HECTD4: variants seen among roughly 807,000 people sequenced by gnomAD.
The protein encoded by HECTD4 is HECT domain E3 ubiquitin protein ligase 4.
HECTD4 carries 114 observed loss-of-function variants against 471.5 expected under a neutral mutation model. The observed-to-expected ratio is 0.24, with a 90% CI of 0.21 to 0.28. The LOEUF (loss-of-function observed/expected upper bound fraction) is 0.28. HECTD4 is among the 10% of genes least tolerant of loss of function. The probability of loss-of-function intolerance (pLI) is 1.00; values close to 1 mark genes in which losing one functional copy is unlikely to be tolerated. For synonymous variants in HECTD4, 2,012 were observed against 2,256.0 expected, an observed-to-expected ratio of 0.89 and a Z score of 3.07; for missense variants, 3,866 against 5,651.5, an observed-to-expected ratio of 0.68 and a Z score of 10.13.
chr12:112,274,993 C>A (rs547678580), intron 9 of HECTD4, 33 bp from the exon 10 acceptor site: 4 of 1,220,332 alleles, frequency 3.3e-6, no homozygotes, highest in Non-Finnish European at 4.6e-6. Flanking sequence ...GTTTAATGAG[C>A]CTGAAGATTA....
At position 112,162,426 on chromosome 12, in the gene HECTD4, A is replaced by G. The variant is rs948647628; in HGVS notation, c.13218T>C (p.Arg4406=). ...GGTCTTCACGGTAGTGAATGGCACA[A>G]CGAAGTTTCTCCAGCATGATTTCCA... The part of the protein sequence containing the change: ...SSLEIMLEKL[R]CAIHYREDPL... Residue 4406 remains arginine (R), a synonymous_variant, in exon 76 of 76, where the codon CGT becomes CGC. Transcript: ENST00000682272. This position sits in a 1 kb window ranked among gnomAD's most constrained non-coding sequence, Gnocchi z 5.2. 1.9e-6 allele frequency: 3 copies of G among 1,613,954 alleles called. No individual in the cohort carries two copies. The highest frequency in any genetic ancestry group is 2.7e-5 in the African/African-American group (2 of 74,952).
chr12:112,303,667 T>C (rs1260191307), intron 7 of HECTD4, among the ~76,000 whole-genome samples: 4 of 151,876 alleles, frequency 2.6e-5, no homozygotes, highest in Admixed American at 6.6e-5. Context: ...CCAAGCAACA[T>C]GGTGAAACCC....
Position 112,213,683 on chromosome 12 carries a change from C to T in HECTD4, c.7466-1033G>A, listed in dbSNP as rs1490545361. Among the ~76,000 whole-genome samples the T allele has an allele frequency of 7.0e-6, 1 of 142,562 alleles. No individual in the cohort carries two copies. The highest frequency in any genetic ancestry group is 1.5e-5 in the Non-Finnish European group (1 of 66,760). 93.5% of individuals were successfully genotyped at this position (142,562 alleles called of 152,430 possible). On this transcript the variant is annotated intron_variant, in intron 48 of 75. Transcript: ENST00000682272. The surrounding 1 kb of genome is among the most constrained non-coding windows in gnomAD (Gnocchi z 4.0). ...CCTGGGCGACAGAGCAAGACTCCGT[C>T]TCAAAAAAATATATACATATATATA... is the stretch of plus-strand genomic sequence containing the variant.
chr12:112,204,192 G>A (rs778264284), intron 53 of HECTD4, among the ~76,000 whole-genome samples: 14 of 152,174 alleles, frequency 9.2e-5, no homozygotes, highest in Non-Finnish European at 8.8e-5. Context: ...ACAGGCGTGC[G>A]CCACCAGGCC....
At chr12:112,288,478 C>T (rs921135251) in intron 7 of HECTD4, among the ~76,000 whole-genome samples, 1 of 151,832 alleles carries the variant, frequency 6.6e-6, no homozygotes, top group Admixed American at 6.6e-5. Flanking sequence ...AAAAATTAGC[C>T]AGGCATGGTG....
chr12:112,171,830 A>G (rs1566059516), intron 67 of HECTD4, among the ~76,000 whole-genome samples: 1 of 152,234 alleles, frequency 6.6e-6, no homozygotes, highest in Admixed American at 6.5e-5. Flanking sequence ...CCCTGGGACG[A>G]GTGTAATGAA....
chr12:112,375,493 GC>G (rs2036759489), intron 1 of HECTD4, among the ~76,000 whole-genome samples: 1 of 152,132 alleles, frequency 6.6e-6, no homozygotes, highest in African/African-American at 2.4e-5. Flanking sequence ...AAATATCTTA[GC>G]CACCTTGGGT....
In HECTD4 at chr12:112,200,480, C is replaced by T. The variant is rs568851206; in HGVS notation, c.8567+158G>A. 2.0e-5 allele frequency among the ~76,000 whole-genome samples: 3 copies of T among 152,252 alleles called. No individual in the cohort carries two copies. In the South Asian group the frequency reaches 6.2e-4, roughly 32 times the overall value. On this transcript the variant is annotated intron_variant, in intron 55 of 75. Transcript: ENST00000682272. The stretch of plus-strand genomic sequence containing the variant: ...CTAGATCCCCCGACTTTTCTTCACA[C>T]CTCCTGCAATTTTGCTGTTATCTTT...
In HECTD4 at chr12:112,184,452, C is replaced by A. The variant is rs559886195; in HGVS notation, c.10514G>T (p.Ser3505Ile). The A allele has an allele frequency of 6.8e-6, 11 of 1,605,904 alleles. No individual in the cohort carries two copies. The East Asian group carries it at 2.0e-4, about 29-fold the overall frequency. Residue 3505 changes from serine to isoleucine, a missense_variant, in exon 61 of 76, where the codon AGC becomes ATC. By Grantham distance (142) the Ser-to-Ile change is moderately radical. Coordinates refer to ENST00000682272, the MANE Select transcript of HECTD4 (RefSeq NM_001388303.1). This position sits in a 1 kb window ranked among gnomAD's most constrained non-coding sequence, Gnocchi z 9.1. The stretch of plus-strand genomic sequence containing the variant: ...AGGCAGCGGATCCACAGAGAGGTCG[C>A]TGACGGTTTGGGAGATGCCCTGCGA... Reference protein sequence around the residue: ...CSSQGISQTVSDLSVDPLPAG... With the variant: ...CSSQGISQTVIDLSVDPLPAG...
chr12:112,247,215 C>T, intron 28 of HECTD4, 139 bp from the exon 29 acceptor site: 3 of 712,212 alleles, frequency 4.2e-6, no homozygotes, highest in Non-Finnish European at 6.9e-6. Context: ...GCTTACTTCC[C>T]TGTTTCCTCA....
At chr12:112,199,159 T>C (rs926625045) in intron 55 of HECTD4, among the ~76,000 whole-genome samples, 7 of 152,140 alleles carry the variant, frequency 4.6e-5, no homozygotes, top group African/African-American at 1.7e-4. Context: ...GTGGGGTCAG[T>C]AGGTAGGGTC....
chr12:112,248,688 C>T (rs940018970), intron 25 of HECTD4, among the ~76,000 whole-genome samples, 176 bp from the exon 26 acceptor site: 1 of 152,210 alleles, frequency 6.6e-6, no homozygotes, highest in Non-Finnish European at 1.5e-5. Flanking sequence ...TCAAGGGATC[C>T]TCCTGCCTCA....
chr12:112,266,054 G>C, intron 14 of HECTD4, 71 bp from the exon 15 acceptor site: 1 of 1,103,620 alleles, frequency 9.1e-7, no homozygotes, highest in Non-Finnish European at 1.3e-6. Flanking sequence ...TTTTTAAAAA[G>C]TTTTTAAACA....
chr12:112,306,083 A>G lies in HECTD4; in HGVS notation c.1316T>C (p.Met439Thr). Residue 439 changes from methionine (M) to threonine (T), a missense_variant, in exon 7 of 76, where the codon ATG (methionine) becomes ACG (threonine). Transcript: ENST00000682272. Reference sequence around the variant, plus strand: ...ACTTACCACAAGTTCAAAAATGTCCATGAAGACAGAATGTCCCTTCGGTGT... The same window carrying G: ...ACTTACCACAAGTTCAAAAATGTCCGTGAAGACAGAATGTCCCTTCGGTGT... ...EKTPKGHSVF[M>T]DIFELVVENG... The G allele has an allele frequency of 6.2e-7, 1 of 1,603,948 alleles. No individual in the cohort carries two copies. Among genetic ancestry groups the G allele is most frequent in the Non-Finnish European group, 8.5e-7 (1 of 1,177,218 alleles).
At position 112,279,361 on chromosome 12, in the gene HECTD4, T is replaced by C. The variant is rs1044101060; in HGVS notation, c.1554A>G (p.Leu518=). Residue 518 remains leucine, a synonymous_variant, in exon 9 of 76, where the codon CTA becomes CTG. Transcript: ENST00000682272. The part of the protein sequence containing the change: ...QAANTSCGLP[L]KMLRKTPIYT... Reference sequence around the variant, plus strand: ...ATATGGGTGTCTTCCGCAGCATTTTTAGAGGCAGCCCACAGCTAGTATTTG... The same window carrying C: ...ATATGGGTGTCTTCCGCAGCATTTTCAGAGGCAGCCCACAGCTAGTATTTG... 1.2e-6 allele frequency: 2 copies of C among 1,601,316 alleles called. 1 individual carries two copies. The highest frequency in any genetic ancestry group is 3.6e-5 in the Admixed American group (2 of 55,504).
At chr12:112,372,887 T>C (rs2036710045) in intron 1 of HECTD4, among the ~76,000 whole-genome samples, 2 of 152,126 alleles carry the variant, frequency 1.3e-5, no homozygotes, top group South Asian at 2.1e-4. Context: ...CCTGAGTAGC[T>C]GGGACTACAA....
intron 8 of HECTD4, 78 bp downstream of exon 8, chr12:112,283,032 A>G (rs2034676300): frequency 1.7e-6 from 2 of 1,175,786 alleles, no homozygotes; most frequent in East Asian, 2.4e-5. Flanking sequence ...TTTGTACAGC[A>G]CGGACGAAGT....
In HECTD4 at chr12:112,239,644, T is replaced by C. The variant is rs918128192; in HGVS notation, c.5105+237A>G. ...TTCCTAGGGACCTTTTATTTTTCTT[T>C]GAACCTCTGTATCTTCACAATGTAA... On this transcript the variant is annotated intron_variant, in intron 33 of 75. Transcript: ENST00000682272. The surrounding 1 kb of genome is among the most constrained non-coding windows in gnomAD (Gnocchi z 4.9). 1.3e-5 allele frequency among the ~76,000 whole-genome samples: 2 copies of C among 152,228 alleles called. No homozygotes were observed. Among genetic ancestry groups the C allele is most frequent in the Admixed American group, 6.5e-5 (1 of 15,282 alleles).
At chr12:112,219,097 TA>T (rs934671632) in intron 45 of HECTD4, among the ~76,000 whole-genome samples, 168 of 144,756 alleles carry the variant, frequency 1.2e-3, no homozygotes, top group Middle Eastern at 3.5e-3. Context: ...TCTCTAAACT[TA>T]AAAAAAAAAA....
Sources: gnomAD v4.1 joint callset for allele counts (sites outside exome capture counted in the v4.1 genomes callset) on GRCh38, gnomAD v4.1.1 for gene constraint, Gnocchi (gnomAD v3.1) non-coding constraint, MANE v1.5 for transcripts, NCBI Gene and HGNC (gene_info 2026-07-23, HGNC 2026-07-21) for gene names.